Variants in EPHA4 observed in about 807,000 individuals in gnomAD.
The protein encoded by EPHA4 is EPH receptor A4, also known as ephrin type-A receptor 4.
Under a neutral mutation model 108.3 loss-of-function variants are expected in EPHA4, and 19 were observed. That is an observed-to-expected ratio of 0.18 (90% CI 0.12 to 0.26). The LOEUF (loss-of-function observed/expected upper bound fraction) is 0.26. Among genes scored for constraint, EPHA4 ranks in the 10% least tolerant of loss-of-function variants. EPHA4 has a pLI of 1.00. For missense variants in EPHA4, 917 were observed against 1,254.0 expected, an observed-to-expected ratio of 0.73 and a Z score of 4.06; for synonymous variants, 449 against 455.5, an observed-to-expected ratio of 0.99 and a Z score of 0.18.
chr2:221,512,552 G>A (rs148102766), intron 3 of EPHA4, among the ~76,000 whole-genome samples: 1 of 152,088 alleles, frequency 6.6e-6, no homozygotes, highest in Non-Finnish European at 1.5e-5. Context: ...GATATTTGGG[G>A]TACATAAAGA....
At position 221,436,426 on chromosome 2, in the gene EPHA4, A is replaced by G; in HGVS notation, c.2319T>C (p.Asp773=). Residue 773 remains aspartate, a synonymous_variant, in exon 13 of 18, where the codon GAT becomes GAC. Coordinates refer to ENST00000281821, the MANE Select transcript of EPHA4 (RefSeq NM_004438.5). The part of the protein sequence containing the change: ...SDFGMSRVLE[D]DPEAAYTTRG... ...TGGTGGTGTAAGCTGCTTCCGGATC[A>G]TCCTCAAGCACTCGGGACATGCCAA... 1 of 1,614,214 alleles carries G rather than the reference A, an allele frequency of 6.2e-7. No individual in the cohort carries two copies. The highest frequency in any genetic ancestry group is 8.5e-7 in the Non-Finnish European group (1 of 1,180,030).
intron 4 of EPHA4, among the ~76,000 whole-genome samples, chr2:221,483,658 G>A (rs1691897565): frequency 6.6e-6 from 1 of 151,982 alleles, no homozygotes. Flanking sequence ...TGAAAATACA[G>A]GTGTGTGCCA....
intron 1 of EPHA4, among the ~76,000 whole-genome samples, chr2:221,569,778 G>A (rs1283037315): frequency 1.3e-5 from 2 of 151,966 alleles, no homozygotes; most frequent in African/African-American, 4.8e-5. Context: ...GCCGCCATCC[G>A]TGCTCATGCG....
intron 8 of EPHA4, among the ~76,000 whole-genome samples, chr2:221,449,523 G>A (rs548194521): frequency 4.6e-5 from 7 of 152,298 alleles, no homozygotes; most frequent in Admixed American, 3.3e-4. Context: ...CCTTTCAGCC[G>A]CAGGAGTTGG....
intron 3 of EPHA4, among the ~76,000 whole-genome samples, chr2:221,562,366 G>C (rs1032260760): frequency 1.3e-5 from 2 of 152,110 alleles, no homozygotes; most frequent in African/African-American, 4.8e-5. Flanking sequence ...ACTATGAATG[G>C]AGTAACGTGT....
intron 3 of EPHA4, chr2:221,501,403 T>C (rs906670005): frequency 5.0e-6 from 2 of 403,942 alleles, no homozygotes; most frequent in African/African-American, 4.1e-5. Context: ...AGGAAGAAAT[T>C]TTCTTAAACC....
chr2:221,452,760 C>T (rs1690827022), intron 8 of EPHA4, among the ~76,000 whole-genome samples: 1 of 151,890 alleles, frequency 6.6e-6, no homozygotes, highest in South Asian at 2.1e-4. Context: ...CTAGGTAACT[C>T]GACAGGCTCA....
intron 5 of EPHA4, among the ~76,000 whole-genome samples, chr2:221,460,295 G>A (rs566397277): frequency 6.6e-6 from 1 of 152,298 alleles, no homozygotes; most frequent in East Asian, 1.9e-4. Flanking sequence ...AGGATTAAAT[G>A]AAAATAGAAT....
At position 221,457,982 on chromosome 2, in the gene EPHA4, A is replaced by T; in HGVS notation, c.1327T>A (p.Ser443Thr). 1 of 1,611,624 alleles carries T rather than the reference A, an allele frequency of 6.2e-7. No individual in the cohort carries two copies. The highest frequency in any genetic ancestry group is 2.2e-5 in the East Asian group (1 of 44,848). The change falls in exon 6 of 18, where the codon TCC becomes ACC. Residue 443 changes from serine (S) to threonine (T), a missense_variant. By Grantham distance (58) the Ser-to-Thr change is moderately conservative. Transcript: ENST00000281821. ...TCTTTAGCCTGGACCAAAGCAATGGATGATGGTGCTGTTAGAAAAAAACAA... is the reference window on the plus strand; with the variant it reads ...TCTTTAGCCTGGACCAAAGCAATGGTTGATGGTGCTGTTAGAAAAAAACAA... ...TVTTNQAAPS[S>T]IALVQAKEVT...
In EPHA4 at chr2:221,425,917, T is replaced by C; in HGVS notation, c.*111A>G. The C allele has an allele frequency of 1.1e-6, 1 of 871,172 alleles. No homozygotes were observed. The highest frequency in any genetic ancestry group is 1.8e-6 in the Non-Finnish European group (1 of 541,430). 54.0% of individuals were successfully genotyped at this position (871,172 alleles called of 1,614,324 possible). On this transcript the variant is annotated 3_prime_UTR_variant, in exon 17 of 18. Coordinates refer to ENST00000281821, the MANE Select transcript of EPHA4 (RefSeq NM_004438.5). ...CTGCAGATATTGTTTTTTTTTTTCATTTCTTTAATTTCAGAGGGCGAAGAC... is the reference window on the plus strand; with the variant it reads ...CTGCAGATATTGTTTTTTTTTTTCACTTCTTTAATTTCAGAGGGCGAAGAC...
intron 8 of EPHA4, among the ~76,000 whole-genome samples, chr2:221,455,015 G>C (rs1224318861): frequency 6.6e-6 from 1 of 152,128 alleles, no homozygotes; most frequent in Non-Finnish European, 1.5e-5. Context: ...GACCATTACT[G>C]TTAACCAAAA....
chr2:221,553,971 T>C (rs926252974), intron 3 of EPHA4, among the ~76,000 whole-genome samples: 1 of 152,256 alleles, frequency 6.6e-6, no homozygotes, highest in African/African-American at 2.4e-5. Context: ...AGGGAAATGA[T>C]AATTATCAAT....
intron 11 of EPHA4, among the ~76,000 whole-genome samples, chr2:221,438,829 G>T (rs1280365243): frequency 6.6e-6 from 1 of 152,002 alleles, no homozygotes; most frequent in Non-Finnish European, 1.5e-5. Flanking sequence ...TGCTGCATTG[G>T]CTGATTATTT....
chr2:221,543,834 CTT>C (rs1693907194), intron 3 of EPHA4, among the ~76,000 whole-genome samples: 1 of 152,098 alleles, frequency 6.6e-6, no homozygotes, highest in Non-Finnish European at 1.5e-5. Context: ...GGGGTGGAAG[CTT>C]TAGGATGCCA....
intron 3 of EPHA4, among the ~76,000 whole-genome samples, chr2:221,526,463 G>C (rs181852197): frequency 6.6e-6 from 1 of 151,638 alleles, no homozygotes; most frequent in Non-Finnish European, 1.5e-5. Flanking sequence ...TGTGTCCCTC[G>C]AAGGTCATGA....
chr2:221,538,472 A>G (rs1693734328), intron 3 of EPHA4, among the ~76,000 whole-genome samples: 1 of 152,176 alleles, frequency 6.6e-6, no homozygotes, highest in African/African-American at 2.4e-5. Flanking sequence ...TATTCTTACT[A>G]TTATAGTCAG....
chr2:221,513,588 G>C (rs571893751), intron 3 of EPHA4, among the ~76,000 whole-genome samples: 2 of 152,068 alleles, frequency 1.3e-5, no homozygotes. Context: ...TATTAGCAAC[G>C]TATTACGATT....
rs1238211653 is a variant in EPHA4 at position 221,425,825 on chromosome 2, T to A, written c.*203A>T. ...TCTGAGAAACGATTTGTTCCAGGTC[T>A]CATTCAAATGACCGGCAGTCATTTC... On this transcript the variant is annotated 3_prime_UTR_variant, in exon 17 of 18. Transcript: ENST00000281821. 3 of 571,408 alleles carry A rather than the reference T, an allele frequency of 5.3e-6. No homozygotes were observed. The highest frequency in any genetic ancestry group is 9.3e-6 in the Non-Finnish European group (3 of 322,026). 35.4% of individuals were successfully genotyped at this position (571,408 alleles called of 1,614,324 possible).
At chr2:221,545,271 C>A (rs1217736886) in intron 3 of EPHA4, among the ~76,000 whole-genome samples, 1 of 152,078 alleles carries the variant, frequency 6.6e-6, no homozygotes, top group Non-Finnish European at 1.5e-5. Flanking sequence ...AGATCGAGAC[C>A]TTCCTGGCTA....
Sources: allele counts gnomAD v4.1 joint callset (sites outside exome capture counted in the v4.1 genomes callset), GRCh38; gene constraint gnomAD v4.1.1; transcripts MANE v1.5; gene names NCBI Gene and HGNC (gene_info 2026-07-23, HGNC 2026-07-21).